The following TENM2 variants were observed in gnomAD, a reference collection of about 807,000 sequenced individuals.
TENM2 encodes teneurin transmembrane protein 2.
TENM2 carries 52 observed loss-of-function variants against 245.2 expected under a neutral mutation model. That is an observed-to-expected ratio of 0.21 (90% CI 0.17 to 0.27). The LOEUF (loss-of-function observed/expected upper bound fraction) is 0.27. TENM2 is among the 10% of genes least tolerant of loss of function. TENM2 has a pLI of 1.00. For missense variants in TENM2, 3,046 were observed against 3,666.8 expected (o/e 0.83, Z 4.37); for synonymous variants, 1,363 against 1,438.9 (o/e 0.95, Z 1.19).
At chr5:167,518,395 G>A (rs1262128356) in intron 2 of TENM2, among the ~76,000 whole-genome samples, 1 of 152,058 alleles carries the variant, frequency 6.6e-6, no homozygotes, top group Non-Finnish European at 1.5e-5. Flanking sequence ...TTGACCATAA[G>A]ATTAGAGAAA....
intron 2 of TENM2, among the ~76,000 whole-genome samples, chr5:167,400,056 T>G (rs934148216): frequency 6.6e-6 from 1 of 152,142 alleles, no homozygotes; most frequent in Non-Finnish European, 1.5e-5. Flanking sequence ...TAGAATTGCA[T>G]AGCAAAGTAT....
At position 167,628,327 on chromosome 5, in the gene TENM2, A is replaced by T. The variant is rs78297306; in HGVS notation, c.503-247659A>T. ...CTCCCTGCCCTATTCAAAAATCTCCAGTTATTTCAATTCCTGATAGGTGTG... is the reference window on the plus strand; with the variant it reads ...CTCCCTGCCCTATTCAAAAATCTCCTGTTATTTCAATTCCTGATAGGTGTG... On this transcript the variant is annotated intron_variant, in intron 2 of 28. Coordinates refer to ENST00000518659, the Ensembl canonical transcript of TENM2. Among the ~76,000 whole-genome samples, 810 of 152,266 alleles carry T rather than the reference A, an allele frequency of 5.3e-3. 5 individuals are homozygous for T. Among genetic ancestry groups the T allele is most frequent in the African/African-American group, 0.019 (773 of 41,556 alleles).
intron 1 of TENM2, among the ~76,000 whole-genome samples, chr5:167,295,097 T>C (rs1196816948): frequency 6.6e-6 from 1 of 152,212 alleles, no homozygotes; most frequent in Non-Finnish European, 1.5e-5. Flanking sequence ...CTCTGCAGTT[T>C]TGTGCTCTGA....
chr5:167,932,481 G>A, intron 3 of TENM2, among the ~76,000 whole-genome samples: 1 of 152,056 alleles, frequency 6.6e-6, no homozygotes, highest in East Asian at 1.9e-4. Context: ...TCGAATCGTT[G>A]TCCATGGTCA....
chr5:167,430,705 G>C lies in TENM2; in HGVS notation c.502+55232G>C, dbSNP rs148103757. Among the ~76,000 whole-genome samples the C allele has an allele frequency of 6.0e-4, 91 of 152,208 alleles. 1 individual carries two copies. In the East Asian group the frequency reaches 0.016, roughly 26 times the overall value. ...ATCCCAAAACAGGTTTGGGCTTTAGGGGTTTTGAAAAATGGACATTTTTCC... is the reference window on the plus strand; with the variant it reads ...ATCCCAAAACAGGTTTGGGCTTTAGCGGTTTTGAAAAATGGACATTTTTCC... On this transcript the variant is annotated intron_variant, in intron 2 of 28. Coordinates refer to ENST00000518659, the Ensembl canonical transcript of TENM2.
At chr5:167,782,268 G>A (rs1474360008) in intron 2 of TENM2, among the ~76,000 whole-genome samples, 12 of 134,234 alleles carry the variant, frequency 8.9e-5, no homozygotes, top group East Asian at 2.3e-4. Flanking sequence ...AGCCAAGATC[G>A]TGCCACTGCA....
chr5:168,239,438 A>G (rs995640369), intron 25 of TENM2, among the ~76,000 whole-genome samples: 3 of 152,298 alleles, frequency 2.0e-5, no homozygotes, highest in Admixed American at 1.3e-4. Context: ...AATGGCTAGC[A>G]CCTATCATTA....
chr5:167,945,489 G>C lies in TENM2; in HGVS notation c.713-7099G>C, dbSNP rs1032771998. On this transcript the variant is annotated intron_variant, in intron 3 of 28. Coordinates refer to ENST00000518659, the Ensembl canonical transcript of TENM2. ...TTTTAAATAAGATGAAATATGTAGA[G>C]TGCTTATCACACAGTTGGTGCTTAC... Among the ~76,000 whole-genome samples, 4 of 152,156 alleles carry C rather than the reference G, an allele frequency of 2.6e-5. No homozygotes were observed. The South Asian group carries it at 6.2e-4, about 24-fold the overall frequency.
chr5:167,717,104 A>C (rs547220339), intron 2 of TENM2, among the ~76,000 whole-genome samples: 1 of 151,966 alleles, frequency 6.6e-6, no homozygotes, highest in East Asian at 1.9e-4. Context: ...ACAGGCACAC[A>C]CTACCACACC....
chr5:167,299,507 T>A (rs921640718), intron 1 of TENM2, among the ~76,000 whole-genome samples: 2 of 151,992 alleles, frequency 1.3e-5, no homozygotes, highest in South Asian at 2.1e-4. Context: ...TGAATAATCC[T>A]TGAGAAGTAG....
intron 7 of TENM2, among the ~76,000 whole-genome samples, chr5:168,079,496 C>A (rs1328122795): frequency 6.6e-6 from 1 of 152,124 alleles, no homozygotes; most frequent in Non-Finnish European, 1.5e-5. Context: ...AGAGGGCATC[C>A]CTGTCGTGTG....
At chr5:167,721,221 A>G (rs1341001602) in intron 2 of TENM2, 1 of 152,192 alleles carries the variant, frequency 6.6e-6, no homozygotes, top group Admixed American at 6.5e-5. Flanking sequence ...TACCATTATT[A>G]AACAGGTTTT....
At chr5:167,485,440 A>T (rs1767998404) in intron 2 of TENM2, among the ~76,000 whole-genome samples, 1 of 152,214 alleles carries the variant, frequency 6.6e-6, no homozygotes, top group African/African-American at 2.4e-5. Flanking sequence ...TAAAAAATGA[A>T]ATTAACGTGT....
At chr5:167,427,721 G>C (rs1185801150) in intron 2 of TENM2, among the ~76,000 whole-genome samples, 1 of 132,330 alleles carries the variant, frequency 7.6e-6, no homozygotes, top group Non-Finnish European at 1.6e-5. Flanking sequence ...AGGGAAGGAA[G>C]GGAAGGAAGA....
intron 1 of TENM2, among the ~76,000 whole-genome samples, chr5:167,332,109 A>C (rs1757493953): frequency 6.6e-6 from 1 of 152,156 alleles, no homozygotes; most frequent in African/African-American, 2.4e-5. Flanking sequence ...CTATCCACTC[A>C]AGTTTTTTTA....
chr5:167,033,044 G>A, the TENM2 span, among the ~76,000 whole-genome samples: 59 of 152,262 alleles, frequency 3.9e-4, no homozygotes, highest in African/African-American at 1.3e-3. Flanking sequence ...ATGGGAAAAC[G>A]TCAGTGAGAG....
chr5:167,683,121 T>C (rs1756844112), intron 2 of TENM2, among the ~76,000 whole-genome samples: 1 of 152,210 alleles, frequency 6.6e-6, no homozygotes, highest in South Asian at 2.1e-4. Context: ...CACTAATGGA[T>C]AATAATAATA....
chr5:167,042,267 T>C, the TENM2 span, among the ~76,000 whole-genome samples: 3 of 152,178 alleles, frequency 2.0e-5, no homozygotes, highest in Admixed American at 2.0e-4. Context: ...CACCACCTTA[T>C]TGCTCACCAC....
intron 2 of TENM2, among the ~76,000 whole-genome samples, chr5:167,483,930 A>C (rs1263752878): frequency 6.6e-6 from 1 of 152,222 alleles, no homozygotes; most frequent in Non-Finnish European, 1.5e-5. Flanking sequence ...TGGTAGCCTC[A>C]GACAGAAGTT....
Sources: allele counts gnomAD v4.1 joint callset (sites outside exome capture counted in the v4.1 genomes callset), GRCh38; gene constraint gnomAD v4.1.1; transcripts MANE v1.5; gene names NCBI Gene and HGNC (gene_info 2026-07-23, HGNC 2026-07-21).